Variants in GNB4 observed in about 807,000 individuals in gnomAD.
GNB4 encodes the protein G protein subunit beta 4, also known as guanine nucleotide-binding protein subunit beta-4.
GNB4 carries 28 observed loss-of-function variants against 45.2 expected under a neutral mutation model. That is an observed-to-expected ratio of 0.62 (90% CI 0.46 to 0.85). GNB4 has a LOEUF of 0.85. Among genes scored for constraint, GNB4 ranks in the 40% least tolerant of loss-of-function variants. The probability of loss-of-function intolerance (pLI) is 0.00; values close to 1 mark genes in which losing one functional copy is unlikely to be tolerated. For synonymous variants in GNB4, 132 were observed against 143.7 expected, an observed-to-expected ratio of 0.92 and a Z score of 0.58; for missense variants, 321 against 425.4, an observed-to-expected ratio of 0.75 and a Z score of 2.16.
chr3:179,413,388 T>C, intron 8 of GNB4, 24 bp downstream of exon 8: 1 of 1,584,806 alleles, frequency 6.3e-7, no homozygotes, highest in Non-Finnish European at 8.7e-7. Context: ...TAATAAATTT[T>C]CTCTAGAAAT....
the GNB4 span, among the ~76,000 whole-genome samples, chr3:179,472,464 C>T: frequency 6.6e-6 from 1 of 150,832 alleles, no homozygotes; most frequent in Non-Finnish European, 1.5e-5. Flanking sequence ...CTCAACCTCC[C>T]AGGCTCAAAT....
At chr3:179,432,478 A>T (rs567660238) in intron 1 of GNB4, among the ~76,000 whole-genome samples, 74 of 152,290 alleles carry the variant, frequency 4.9e-4, no homozygotes, top group African/African-American at 1.8e-3. Flanking sequence ...TCTAGCACAG[A>T]CCAATAGATT....
At chr3:179,524,891 T>G in the GNB4 span, among the ~76,000 whole-genome samples, 1 of 152,110 alleles carries the variant, frequency 6.6e-6, no homozygotes, top group African/African-American at 2.4e-5. Flanking sequence ...GGAATGAAAC[T>G]GTAAGCTGGA....
At chr3:179,511,748 A>G in the GNB4 span, among the ~76,000 whole-genome samples, 5 of 152,194 alleles carry the variant, frequency 3.3e-5, no homozygotes, top group African/African-American at 1.2e-4. Context: ...AAAAAAAGAA[A>G]AAAAGAGGCT....
the GNB4 span, among the ~76,000 whole-genome samples, chr3:179,507,420 G>GAGGA: frequency 1.4e-3 from 207 of 152,266 alleles, 2 homozygotes; most frequent in South Asian, 9.5e-3. Context: ...AGGGAAGAAG[G>GAGGA]AGGAAGGAAG....
the GNB4 span, among the ~76,000 whole-genome samples, chr3:179,520,554 C>T: frequency 2.0e-5 from 3 of 152,144 alleles, no homozygotes; most frequent in African/African-American, 4.8e-5. Context: ...AAATCACAAA[C>T]TATGCTCAAC....
At chr3:179,494,269 G>A in the GNB4 span, among the ~76,000 whole-genome samples, 1 of 148,226 alleles carries the variant, frequency 6.7e-6, no homozygotes. Context: ...AAGGAAGAAA[G>A]AAAGAAAGAG....
chr3:179,451,924 G>A (rs1287601771), upstream of GNB4, among the ~76,000 whole-genome samples: 3 of 152,150 alleles, frequency 2.0e-5, no homozygotes, highest in Non-Finnish European at 4.4e-5. Context: ...CTGAAGCCCA[G>A]AGTTGCACAA....
chr3:179,473,762 T>C, the GNB4 span, among the ~76,000 whole-genome samples: 38 of 152,320 alleles, frequency 2.5e-4, no homozygotes, highest in African/African-American at 7.0e-4. Context: ...TGAAAAGAAA[T>C]TCCAGCCTGT....
At chr3:179,436,095 A>C (rs988407510) in intron 1 of GNB4, among the ~76,000 whole-genome samples, 3 of 152,258 alleles carry the variant, frequency 2.0e-5, no homozygotes, top group Non-Finnish European at 4.4e-5. Flanking sequence ...TTTAAATTGC[A>C]CTTTAAAAAT....
At chr3:179,448,572 G>A (rs569776094) in intron 1 of GNB4, among the ~76,000 whole-genome samples, 4 of 150,530 alleles carry the variant, frequency 2.7e-5, no homozygotes, top group African/African-American at 9.8e-5. Context: ...TCCACATCTT[G>A]TTAATTTTAT....
At chr3:179,437,622 T>TGTGCCACC in intron 1 of GNB4, 1 of 151,956 alleles carries the variant, frequency 6.6e-6, no homozygotes, top group Non-Finnish European at 1.5e-5. Context: ...CAGGTCACAC[T>TGTGCCACC]GTGCCACCAA....
chr3:179,515,900 T>G, the GNB4 span, among the ~76,000 whole-genome samples: 2 of 152,162 alleles, frequency 1.3e-5, no homozygotes, highest in African/African-American at 2.4e-5. Flanking sequence ...ATTGTGGGGT[T>G]GTTAGAAGAA....
the GNB4 span, among the ~76,000 whole-genome samples, chr3:179,515,378 T>A: frequency 6.6e-6 from 1 of 152,176 alleles, no homozygotes; most frequent in African/African-American, 2.4e-5. Context: ...TTCACCTGGG[T>A]GCAGGCAGGC....
intron 1 of GNB4, among the ~76,000 whole-genome samples, chr3:179,448,952 C>G (rs118066543): frequency 6.6e-6 from 1 of 152,252 alleles, no homozygotes; most frequent in East Asian, 1.9e-4. Flanking sequence ...ATGAGGCAGT[C>G]ACTGAAGCAG....
intron 1 of GNB4, among the ~76,000 whole-genome samples, chr3:179,446,669 C>T (rs887056490): frequency 2.6e-5 from 4 of 152,102 alleles, no homozygotes; most frequent in Non-Finnish European, 5.9e-5. Context: ...TCACTTGCCG[C>T]TTATTATCAT....
chr3:179,444,225 AT>A (rs982650106), intron 1 of GNB4, among the ~76,000 whole-genome samples: 45 of 151,892 alleles, frequency 3.0e-4, no homozygotes, highest in African/African-American at 9.2e-4. Flanking sequence ...TGGTTTTTTC[AT>A]TTTTTTCCCC....
rs541504431 is a variant in GNB4 at position 179,420,115 on chromosome 3, T to C, written c.97-610A>G. ...ATGAATCTATACATACATATATATA[T>C]ACATACATAAATATATATAATTTTT... is the stretch of plus-strand genomic sequence containing the variant. On this transcript the variant is annotated intron_variant, in intron 3 of 9. Coordinates refer to ENST00000232564, the MANE Select transcript of GNB4 (RefSeq NM_021629.4). Among the ~76,000 whole-genome samples, 12 of 150,878 alleles carry C rather than the reference T, an allele frequency of 8.0e-5. No homozygotes were observed. The South Asian group carries it at 2.1e-3, about 26-fold the overall frequency.
chr3:179,414,913 T>C lies in GNB4; in HGVS notation c.402A>G (p.Arg134=), dbSNP rs748310425. Residue 134 remains arginine (R), a synonymous_variant, in exon 6 of 10, where the codon AGA becomes AGG. Coordinates refer to ENST00000232564, the MANE Select transcript of GNB4 (RefSeq NM_021629.4). ...TGTGACCTGGCAACTCTCGGCTTAC[T>C]CTCACATTTCCCTCTCTGGTCTTTA... ...YNLKTREGNV[R]VSRELPGHTG... 8 of 1,600,992 alleles carry C rather than the reference T, an allele frequency of 5.0e-6. No individual in the cohort carries two copies. Among genetic ancestry groups the C allele is most frequent in the Non-Finnish European group, 6.8e-6 (8 of 1,170,656 alleles).
Sources: gnomAD v4.1 joint callset for allele counts (sites outside exome capture counted in the v4.1 genomes callset) on GRCh38, gnomAD v4.1.1 for gene constraint, MANE v1.5 for transcripts, NCBI Gene and HGNC (gene_info 2026-07-23, HGNC 2026-07-21) for gene names.